IKZF2: variants seen among roughly 807,000 people sequenced by gnomAD.
IKZF2 encodes IKAROS family zinc finger 2, also known as zinc finger protein Helios.
In IKZF2, 15 loss-of-function variants were observed where a neutral mutation model predicts 49.2. That is an observed-to-expected ratio of 0.30 (90% confidence interval 0.20 to 0.47). IKZF2 has a LOEUF of 0.47. Among genes scored for constraint, IKZF2 ranks in the 20% least tolerant of loss-of-function variants. The probability of loss-of-function intolerance (pLI) is 1.00; values close to 1 mark genes in which losing one functional copy is unlikely to be tolerated. For synonymous variants in IKZF2, 227 were observed against 221.4 expected (o/e 1.03, Z -0.23); for missense variants, 567 against 664.6 (o/e 0.85, Z 1.61).
intron 4 of IKZF2, among the ~76,000 whole-genome samples, chr2:213,098,288 G>A (rs556740802): frequency 3.3e-5 from 5 of 152,140 alleles, no homozygotes; most frequent in East Asian, 3.9e-4. Flanking sequence ...AGAGCAACTC[G>A]CAAAATGAGA....
At chr2:213,036,865 C>A (rs528364255) in intron 6 of IKZF2, among the ~76,000 whole-genome samples, 1 of 152,174 alleles carries the variant, frequency 6.6e-6, no homozygotes, top group East Asian at 1.9e-4. Flanking sequence ...TTCTTTGACT[C>A]ACATACACAG....
At chr2:213,122,304 G>T (rs929301652) in intron 4 of IKZF2, among the ~76,000 whole-genome samples, 1 of 152,100 alleles carries the variant, frequency 6.6e-6, no homozygotes, top group African/African-American at 2.4e-5. Context: ...TAGCTCCTTG[G>T]AGCAACCACT....
intron 4 of IKZF2, among the ~76,000 whole-genome samples, chr2:213,130,532 T>A (rs189323147): frequency 6.6e-6 from 1 of 152,134 alleles, no homozygotes; most frequent in Non-Finnish European, 1.5e-5. Context: ...AAAATCAATT[T>A]TAATTGTGAT....
Position 213,101,824 on chromosome 2 carries a change from C to T in IKZF2, c.140-44725G>A, listed in dbSNP as rs190178192. Among the ~76,000 whole-genome samples the T allele has an allele frequency of 3.1e-3, 476 of 152,210 alleles. 3 individuals are homozygous for T. Among genetic ancestry groups the T allele is most frequent in the African/African-American group, 0.011 (442 of 41,550 alleles). On this transcript the variant is annotated intron_variant, in intron 4 of 8. Coordinates refer to ENST00000434687, the MANE Select transcript of IKZF2 (RefSeq NM_001387220.1). Reference sequence around the variant, plus strand: ...AGCTGTGGCAATCAAATCAGTAGCACGAACGATAGTACACTCACACCTAGA... The same window carrying T: ...AGCTGTGGCAATCAAATCAGTAGCATGAACGATAGTACACTCACACCTAGA...
chr2:213,140,325 ATAT>A (rs1272515849), intron 4 of IKZF2, among the ~76,000 whole-genome samples: 1 of 151,956 alleles, frequency 6.6e-6, no homozygotes, highest in African/African-American at 2.4e-5. Context: ...AAGGGGTATG[ATAT>A]TATATTTTTA....
chr2:213,050,251 G>GTTTTAA (rs1700551529), intron 5 of IKZF2, among the ~76,000 whole-genome samples: 1 of 152,092 alleles, frequency 6.6e-6, no homozygotes, highest in African/African-American at 2.4e-5. Flanking sequence ...TAATTAGGTT[G>GTTTTAA]TTTTAATTTT....
chr2:213,074,563 C>A (rs757897871), intron 4 of IKZF2, among the ~76,000 whole-genome samples: 5 of 152,206 alleles, frequency 3.3e-5, no homozygotes, highest in Non-Finnish European at 7.4e-5. Flanking sequence ...ATATTAAAAT[C>A]CAGATGGAAC....
At chr2:213,095,986 T>C (rs1205125849) in intron 4 of IKZF2, among the ~76,000 whole-genome samples, 3 of 151,928 alleles carry the variant, frequency 2.0e-5, no homozygotes, top group African/African-American at 4.8e-5. Context: ...AAGTAACCCA[T>C]CTCTGGGTTA....
At chr2:213,151,262 T>C (rs1006144592) in intron 1 of IKZF2, among the ~76,000 whole-genome samples, 151 bp downstream of exon 1, 1 of 152,102 alleles carries the variant, frequency 6.6e-6, no homozygotes, top group Non-Finnish European at 1.5e-5. Context: ...TTTGATCACA[T>C]CACAGTGCAA....
At chr2:213,049,200 T>C (rs542301995) in intron 6 of IKZF2, among the ~76,000 whole-genome samples, 2 of 152,180 alleles carry the variant, frequency 1.3e-5, no homozygotes, top group East Asian at 3.9e-4. Flanking sequence ...GAGCTAAAGA[T>C]ACAAGGAGAG....
At chr2:213,089,730 G>A (rs1705080225) in intron 4 of IKZF2, among the ~76,000 whole-genome samples, 1 of 152,142 alleles carries the variant, frequency 6.6e-6, no homozygotes, top group Non-Finnish European at 1.5e-5. Context: ...AGAAGGAGGA[G>A]GAAATTGGGA....
At chr2:213,061,592 A>T (rs1701697583) in intron 4 of IKZF2, among the ~76,000 whole-genome samples, 1 of 151,516 alleles carries the variant, frequency 6.6e-6, no homozygotes, top group African/African-American at 2.4e-5. Context: ...CCTTACATTC[A>T]TTTATAGAAC....
chr2:213,142,326 A>G (rs1261471457), intron 4 of IKZF2, among the ~76,000 whole-genome samples: 1 of 151,814 alleles, frequency 6.6e-6, no homozygotes, highest in African/African-American at 2.4e-5. Flanking sequence ...TTCAATTTTT[A>G]CCCTAAATTA....
intron 6 of IKZF2, among the ~76,000 whole-genome samples, chr2:213,033,884 TCTC>T (rs1461230978): frequency 1.3e-5 from 2 of 152,186 alleles, no homozygotes; most frequent in Admixed American, 1.3e-4. Context: ...GGCACTGACT[TCTC>T]CTCTCTAGAT....
rs541288824 is a variant in IKZF2, at chr2:213,134,149, CCTGTGT to C, written c.139+13553_139+13558del. Among the ~76,000 whole-genome samples the C allele has an allele frequency of 1.1e-4, 16 of 152,272 alleles. No individual in the cohort carries two copies. In the South Asian group the frequency reaches 3.3e-3, roughly 32 times the overall value. On this transcript the variant is annotated intron_variant, in intron 4 of 8. Transcript: ENST00000434687. The stretch of plus-strand genomic sequence containing the variant: ...AGAAAGTCTTCTGGAACCCTCAGTG[CCTGTGT>C]CTTAGACACTTCGAGAGGAAAATGG...
At chr2:213,043,021 G>A (rs961729921) in intron 6 of IKZF2, among the ~76,000 whole-genome samples, 3 of 152,032 alleles carry the variant, frequency 2.0e-5, no homozygotes, top group Admixed American at 6.6e-5. Flanking sequence ...TTAGTACAGT[G>A]TCTACTGTCT....
At chr2:213,107,864 G>A (rs922440846) in intron 4 of IKZF2, among the ~76,000 whole-genome samples, 1 of 152,122 alleles carries the variant, frequency 6.6e-6, no homozygotes, top group African/African-American at 2.4e-5. Context: ...AAGACCTGAA[G>A]TTTACCTGTG....
chr2:213,148,224 T>C (rs928279296), intron 3 of IKZF2, among the ~76,000 whole-genome samples: 1 of 152,198 alleles, frequency 6.6e-6, no homozygotes, highest in Admixed American at 6.5e-5. Flanking sequence ...AAGCTAATTC[T>C]CTTTCACATA....
rs190966997 is a variant in IKZF2, at chr2:213,131,064, T to C, written c.139+16644A>G. ...GCTTGGACATATTTAAGCAAATATT[T>C]CTAGTAAGAATTCAACTGAGGGGGA... is the stretch of plus-strand genomic sequence containing the variant. On this transcript the variant is annotated intron_variant, in intron 4 of 8. Transcript: ENST00000434687. Among the ~76,000 whole-genome samples, 466 of 152,320 alleles carry C rather than the reference T, an allele frequency of 3.1e-3. 3 individuals are homozygous for C. The highest frequency in any genetic ancestry group is 0.011 in the African/African-American group (450 of 41,588).
Sources: gnomAD v4.1 joint callset for allele counts (sites outside exome capture counted in the v4.1 genomes callset) on GRCh38, gnomAD v4.1.1 for gene constraint, MANE v1.5 for transcripts, NCBI Gene and HGNC (gene_info 2026-07-23, HGNC 2026-07-21) for gene names.